The following PCDHGB4 variants were observed in gnomAD, a reference collection of about 807,000 sequenced individuals.
PCDHGB4 encodes protocadherin gamma subfamily B, 4.
In PCDHGB4, 38 loss-of-function variants were observed where a neutral mutation model predicts 60.5. The ratio of observed to expected loss-of-function variants is 0.63; its 90% CI spans 0.48 to 0.82. PCDHGB4 has a LOEUF of 0.82. Ranked by LOEUF, PCDHGB4 falls within the 40% of genes least tolerant of loss-of-function variation. The pLI, the probability that PCDHGB4 is intolerant of heterozygous loss-of-function variation, is 0.00. For missense variants in PCDHGB4, 1,109 were observed against 1,209.6 expected, an observed-to-expected ratio of 0.92 and a Z score of 1.23; for synonymous variants, 456 against 509.7, an observed-to-expected ratio of 0.89 and a Z score of 1.42.
chr5:141,474,687 A>G (rs369586568), intron 1 of PCDHGB4, among the ~76,000 whole-genome samples: 35 of 152,302 alleles, frequency 2.3e-4, no homozygotes, highest in African/African-American at 7.7e-4. Flanking sequence ...CTACCCCTTC[A>G]CTTATGTTCA....
Position 141,432,909 on chromosome 5 carries a change from G to A in PCDHGB4, c.2397+42628G>A, listed in dbSNP as rs773372764. On this transcript the variant is annotated intron_variant, in intron 1 of 3. Coordinates refer to ENST00000519479, the MANE Select transcript of PCDHGB4 (RefSeq NM_003736.4). The surrounding 1 kb of genome is among the most constrained non-coding windows in gnomAD (Gnocchi z 6.0). ...ATCTTGCTGCTGGCGCTCAGGCTGCGGCGCTGGCACAAGTCACGCCTGCTG... is the reference window on the plus strand; with the variant it reads ...ATCTTGCTGCTGGCGCTCAGGCTGCAGCGCTGGCACAAGTCACGCCTGCTG... 9 of 1,614,038 alleles carry A rather than the reference G, an allele frequency of 5.6e-6. No homozygotes were observed. The highest frequency in any genetic ancestry group is 4.5e-5 in the East Asian group (2 of 44,880).
chr5:141,388,487 C>T lies in PCDHGB4; in HGVS notation c.603C>T (p.Asp201=). 6.2e-7 allele frequency: 1 copy of T among 1,613,776 alleles called. No homozygotes were observed. Among genetic ancestry groups the T allele is most frequent in the Non-Finnish European group, 8.5e-7 (1 of 1,179,884 alleles). ...AGATGGTATTGAAGACACCTTTGGACAGAGAAAAGCAGAAATCCTACCACT... is the reference window on the plus strand; with the variant it reads ...AGATGGTATTGAAGACACCTTTGGATAGAGAAAAGCAGAAATCCTACCACT... ...YPEMVLKTPL[D]REKQKSYHLT... Residue 201 remains aspartate (D), a synonymous_variant, in exon 1 of 4, where the codon GAC becomes GAT. Transcript: ENST00000519479.
intron 1 of PCDHGB4, chr5:141,412,932 T>A: frequency 2.2e-6 from 1 of 453,328 alleles, no homozygotes; most frequent in Non-Finnish European, 3.9e-6. Flanking sequence ...AGTAACTTCT[T>A]AGGACTCTGA....
chr5:141,490,497 C>G lies in PCDHGB4; in HGVS notation c.2398-4310C>G. The stretch of plus-strand genomic sequence containing the variant: ...CTTTGGACCGGGAGGCCACATCCCA[C>G]TATATCATCGAGCTGCTGGCCAGCG... On this transcript the variant is annotated intron_variant, in intron 1 of 3. Transcript: ENST00000519479. The surrounding 1 kb of genome is among the most constrained non-coding windows in gnomAD (Gnocchi z 5.4). 6.2e-7 allele frequency: 1 copy of G among 1,614,196 alleles called. No individual in the cohort carries two copies. Among genetic ancestry groups the G allele is most frequent in the South Asian group, 1.1e-5 (1 of 91,084 alleles).
intron 1 of PCDHGB4, chr5:141,478,585 T>A (rs1474599564): frequency 1.3e-5 from 20 of 1,576,728 alleles, no homozygotes; most frequent in Non-Finnish European, 1.7e-5. Flanking sequence ...TGTTAGTGCT[T>A]TTTTATTCCT....
chr5:141,481,694 C>A (rs2099542163), intron 1 of PCDHGB4, among the ~76,000 whole-genome samples: 1 of 152,130 alleles, frequency 6.6e-6, no homozygotes, highest in South Asian at 2.1e-4. Flanking sequence ...TGGCTCACGC[C>A]TGTAATCCCA....
Position 141,490,583 on chromosome 5 carries a change from A to G in PCDHGB4, c.2398-4224A>G, listed in dbSNP as rs2099701693. ...ATCAGGCTCAACATTTCAGATGTCAATGACAATGCACCCCGCTTCAACCAG... is the reference window on the plus strand; with the variant it reads ...ATCAGGCTCAACATTTCAGATGTCAGTGACAATGCACCCCGCTTCAACCAG... On this transcript the variant is annotated intron_variant, in intron 1 of 3. Coordinates refer to ENST00000519479, the MANE Select transcript of PCDHGB4 (RefSeq NM_003736.4). This position sits in a 1 kb window ranked among gnomAD's most constrained non-coding sequence, Gnocchi z 5.4. 2.5e-6 allele frequency: 4 copies of G among 1,614,138 alleles called. No homozygotes were observed. Among genetic ancestry groups the G allele is most frequent in the African/African-American group, 1.3e-5 (1 of 75,032 alleles).
chr5:141,420,336 T>C, intron 1 of PCDHGB4: 1 of 1,399,186 alleles, frequency 7.1e-7, no homozygotes, highest in East Asian at 2.5e-5. Flanking sequence ...TATTCCAATA[T>C]AGTGGTATTA....
At chr5:141,407,974 G>A (rs1229330658) in intron 1 of PCDHGB4, 3 of 728,612 alleles carry the variant, frequency 4.1e-6, no homozygotes, top group African/African-American at 1.8e-5. Context: ...CGCTGACGCC[G>A]GGGATCCGTC....
chr5:141,405,901 G>A (rs954255473), intron 1 of PCDHGB4, among the ~76,000 whole-genome samples: 1 of 152,092 alleles, frequency 6.6e-6, no homozygotes, highest in Non-Finnish European at 1.5e-5. Context: ...ACTGAAAGGA[G>A]GCATTTATTA....
rs926566427 is a variant in PCDHGB4, at chr5:141,505,127, A to T, written c.2457-266A>T. Among the ~76,000 whole-genome samples, 9 of 152,158 alleles carry T rather than the reference A, an allele frequency of 5.9e-5. No homozygotes were observed. The East Asian group carries it at 1.5e-3, about 26-fold the overall frequency. The stretch of plus-strand genomic sequence containing the variant: ...CAATGAGCCAAGATCGCGCCACTGC[A>T]CTCCAGCCTGGATGACAGAGTAAGA... On this transcript the variant is annotated intron_variant, in intron 2 of 3. Transcript: ENST00000519479.
At chr5:141,424,540 T>G (rs944656560) in intron 1 of PCDHGB4, 1 of 152,244 alleles carries the variant, frequency 6.6e-6, no homozygotes, top group Admixed American at 6.5e-5. Flanking sequence ...TAGAAATAAC[T>G]TGATTTTGAT....
intron 1 of PCDHGB4, among the ~76,000 whole-genome samples, chr5:141,435,011 A>G (rs2097737147): frequency 6.6e-6 from 1 of 152,126 alleles, no homozygotes; most frequent in African/African-American, 2.4e-5. Flanking sequence ...TTTATCAATG[A>G]TAATGCTCTT....
intron 1 of PCDHGB4, among the ~76,000 whole-genome samples, chr5:141,481,184 C>A (rs2099533291): frequency 6.6e-6 from 1 of 152,146 alleles, no homozygotes; most frequent in African/African-American, 2.4e-5. Flanking sequence ...CTTTATTGGG[C>A]CAGGCCCAAT....
At chr5:141,405,470 A>G in intron 1 of PCDHGB4, 1 of 1,108,980 alleles carries the variant, frequency 9.0e-7, no homozygotes, top group Non-Finnish European at 1.3e-6. Flanking sequence ...CCCAGGCTGG[A>G]ATGCAGTGGT....
intron 1 of PCDHGB4, chr5:141,415,759 T>TTTG: frequency 3.7e-6 from 5 of 1,352,140 alleles, no homozygotes; most frequent in Non-Finnish European, 4.8e-6. Flanking sequence ...TTTTTTTTTT[T>TTTG]TTTTTTTTTT....
chr5:141,477,268 C>A lies in PCDHGB4; in HGVS notation c.2398-17539C>A, dbSNP rs2099408532. On this transcript the variant is annotated intron_variant, in intron 1 of 3. Transcript: ENST00000519479. This position sits in a 1 kb window ranked among gnomAD's most constrained non-coding sequence, Gnocchi z 4.9. ...TGACTGACCTGGATGCTGGCGAGAA[C>A]GGGCTGGTGACCTGCGAAGTTCCAC... 1.2e-6 allele frequency: 2 copies of A among 1,614,078 alleles called. No individual in the cohort carries two copies. Among genetic ancestry groups the A allele is most frequent in the Non-Finnish European group, 1.7e-6 (2 of 1,180,038 alleles).
At chr5:141,401,802 A>C (rs1030250595) in intron 1 of PCDHGB4, among the ~76,000 whole-genome samples, 162 of 152,148 alleles carry the variant, frequency 1.1e-3, no homozygotes, top group African/African-American at 3.7e-3. Context: ...TGATTCAGTA[A>C]ATGGGTTCCT....
At chr5:141,435,067 T>C (rs1381741674) in intron 1 of PCDHGB4, among the ~76,000 whole-genome samples, 1 of 152,168 alleles carries the variant, frequency 6.6e-6, no homozygotes, top group African/African-American at 2.4e-5. Flanking sequence ...CAGTTTTGTG[T>C]AGACCGTCTG....
Sources: allele counts gnomAD v4.1 joint callset (sites outside exome capture counted in the v4.1 genomes callset), GRCh38; gene constraint gnomAD v4.1.1; non-coding constraint Gnocchi (gnomAD v3.1); transcripts MANE v1.5; gene names NCBI Gene and HGNC (gene_info 2026-07-23, HGNC 2026-07-21).